Variants in CSMD1 observed in about 807,000 individuals in gnomAD.
The protein encoded by CSMD1 is CUB and Sushi multiple domains 1.
A neutral mutation model predicts 417.5 loss-of-function variants in CSMD1; 213 were observed. The ratio of observed to expected loss-of-function variants is 0.51; its 90% CI spans 0.46 to 0.57. The LOEUF (loss-of-function observed/expected upper bound fraction) is 0.57. Ranked by LOEUF, CSMD1 falls within the 20% of genes least tolerant of loss-of-function variation. The pLI, the probability that CSMD1 is intolerant of heterozygous loss-of-function variation, is 0.00. For synonymous variants in CSMD1, 2,862 were observed against 1,736.8 expected (o/e 1.65, Z -16.11); for missense variants, 6,923 against 4,529.7 (o/e 1.53, Z -15.17).
At chr8:3,289,544 T>G (rs190514885) in intron 25 of CSMD1, among the ~76,000 whole-genome samples, 18,237 of 144,274 alleles carry the variant, frequency 0.13, 2,185 homozygotes, top group Middle Eastern at 0.18. Flanking sequence ...GGTATCTCAT[T>G]GTGGTTTTGA....
chr8:3,464,681 T>A (rs1332268740), intron 12 of CSMD1, among the ~76,000 whole-genome samples: 1 of 151,462 alleles, frequency 6.6e-6, no homozygotes, highest in African/African-American at 2.4e-5. Context: ...ATGTAAAATT[T>A]GTTTTAAAAA....
chr8:4,169,571 T>C (rs937424765), intron 3 of CSMD1, among the ~76,000 whole-genome samples: 4 of 152,144 alleles, frequency 2.6e-5, no homozygotes, highest in Non-Finnish European at 5.9e-5. Context: ...CATATTTTGC[T>C]CTTCTCAACA....
intron 2 of CSMD1, among the ~76,000 whole-genome samples, chr8:4,485,908 C>G (rs1019728919): frequency 2.6e-5 from 4 of 151,850 alleles, no homozygotes; most frequent in African/African-American, 9.7e-5. Context: ...GATTTCCTGG[C>G]AGCCAGGAAG....
intron 5 of CSMD1, among the ~76,000 whole-genome samples, chr8:3,957,493 A>G (rs1362524007): frequency 6.6e-6 from 1 of 152,120 alleles, no homozygotes; most frequent in Non-Finnish European, 1.5e-5. Context: ...TGTGGGCAAC[A>G]TGGCCGCACT....
At chr8:4,188,929 C>G (rs1291655595) in intron 3 of CSMD1, among the ~76,000 whole-genome samples, 7 of 152,110 alleles carry the variant, frequency 4.6e-5, no homozygotes, top group African/African-American at 1.7e-4. Context: ...GGGTTTCTCC[C>G]TCCATGGTTT....
At chr8:4,371,135 G>A (rs771970208) in intron 3 of CSMD1, among the ~76,000 whole-genome samples, 1 of 152,172 alleles carries the variant, frequency 6.6e-6, no homozygotes, top group Non-Finnish European at 1.5e-5. Context: ...GAGTTTCACA[G>A]TAGAACAAGT....
At chr8:3,604,301 G>A (rs529837282) in intron 8 of CSMD1, among the ~76,000 whole-genome samples, 1 of 152,100 alleles carries the variant, frequency 6.6e-6, no homozygotes, top group Non-Finnish European at 1.5e-5. Flanking sequence ...GGAGGCTGCG[G>A]GGGGGGACCA....
chr8:4,210,713 G>A (rs764569566), intron 3 of CSMD1, among the ~76,000 whole-genome samples: 4 of 151,638 alleles, frequency 2.6e-5, no homozygotes, highest in Non-Finnish European at 5.9e-5. Flanking sequence ...TAATTGTAAT[G>A]TTAAACACTA....
chr8:3,568,714 T>C (rs751551131), intron 10 of CSMD1, among the ~76,000 whole-genome samples: 17 of 152,084 alleles, frequency 1.1e-4, no homozygotes, highest in Admixed American at 2.0e-4. Context: ...TGTGTGTGTT[T>C]ATCTATGCAT....
At position 4,373,606 on chromosome 8, in the gene CSMD1, G is replaced by C. The variant is rs921348659; in HGVS notation, c.415+46347C>G. On this transcript the variant is annotated intron_variant, in intron 3 of 69. Transcript: ENST00000635120. ...ATTTAATTTTCCTATGTGCGATGGT[G>C]ATTCATGAACATAACTGAAATTTCT... 1.3e-4 allele frequency among the ~76,000 whole-genome samples: 20 copies of C among 152,288 alleles called. 1 individual carries two copies. Among genetic ancestry groups the C allele is most frequent in the Admixed American group, 8.5e-4 (13 of 15,286 alleles).
At chr8:3,697,930 T>C (rs1179485013) in intron 7 of CSMD1, among the ~76,000 whole-genome samples, 1 of 152,224 alleles carries the variant, frequency 6.6e-6, no homozygotes, top group East Asian at 1.9e-4. Context: ...AATTATATTC[T>C]TTAATTGTAT....
In CSMD1 at chr8:4,360,532, C is replaced by T. The variant is rs190419535; in HGVS notation, c.415+59421G>A. The stretch of plus-strand genomic sequence containing the variant: ...TGAGATGGAGTCTGGCTCTGTCGCC[C>T]AGGCTGGAGGGCAGTGGCGCGATCT... On this transcript the variant is annotated intron_variant, in intron 3 of 69. Coordinates refer to ENST00000635120, the MANE Select transcript of CSMD1 (RefSeq NM_033225.6). 2.0e-5 allele frequency among the ~76,000 whole-genome samples: 3 copies of T among 152,174 alleles called. No individual in the cohort carries two copies. In the East Asian group the frequency reaches 5.8e-4, roughly 29 times the overall value.
intron 41 of CSMD1, among the ~76,000 whole-genome samples, chr8:3,126,934 G>C (rs935651893): frequency 2.0e-5 from 3 of 152,214 alleles, no homozygotes; most frequent in African/African-American, 7.2e-5. Context: ...TCACCTAGGA[G>C]ACGGGTCTAC....
intron 37 of CSMD1, among the ~76,000 whole-genome samples, chr8:3,166,401 G>A (rs562054263): frequency 3.5e-4 from 53 of 152,210 alleles, no homozygotes; most frequent in African/African-American, 9.9e-4. Context: ...GGGCGTGGTG[G>A]TGTGCACCTG....
intron 3 of CSMD1, among the ~76,000 whole-genome samples, chr8:4,219,887 A>G (rs1800923823): frequency 6.6e-6 from 1 of 152,178 alleles, no homozygotes; most frequent in Admixed American, 6.5e-5. Context: ...AATTAATACC[A>G]GGTGGAAACG....
At chr8:3,468,865 C>A in intron 11 of CSMD1, 41 bp from the exon 12 acceptor site, 1 of 1,337,800 alleles carries the variant, frequency 7.5e-7, no homozygotes, top group Non-Finnish European at 1.0e-6. Flanking sequence ...GGTAAGGCAA[C>A]AAGTACATCG....
At chr8:4,977,080 T>A (rs190722132) in intron 1 of CSMD1, among the ~76,000 whole-genome samples, 1 of 152,216 alleles carries the variant, frequency 6.6e-6, no homozygotes, top group Admixed American at 6.5e-5. Flanking sequence ...AACAGTTATA[T>A]TGGCGTTTCT....
At chr8:4,436,029 A>G (rs1193624964) in intron 2 of CSMD1, among the ~76,000 whole-genome samples, 1 of 152,238 alleles carries the variant, frequency 6.6e-6, no homozygotes, top group Non-Finnish European at 1.5e-5. Context: ...GCTTGTTAAA[A>G]TATAAGACCC....
chr8:4,125,293 T>C (rs1802697971), intron 3 of CSMD1, among the ~76,000 whole-genome samples: 1 of 152,228 alleles, frequency 6.6e-6, no homozygotes, highest in Non-Finnish European at 1.5e-5. Flanking sequence ...AATGCGAATC[T>C]GACTGGCTTC....
Sources: gnomAD v4.1 joint callset for allele counts (sites outside exome capture counted in the v4.1 genomes callset) on GRCh38, gnomAD v4.1.1 for gene constraint, MANE v1.5 for transcripts, NCBI Gene and HGNC (gene_info 2026-07-23, HGNC 2026-07-21) for gene names.